Variants in ITGBL1 observed in about 807,000 individuals in gnomAD.
ITGBL1 encodes integrin beta-like protein 1.
A neutral mutation model predicts 68.5 loss-of-function variants in ITGBL1; 51 were observed. That is an observed-to-expected ratio of 0.74 (90% confidence interval 0.59 to 0.94). The LOEUF is 0.94. ITGBL1 is among the 40% of genes least tolerant of loss of function. ITGBL1 has a pLI of 0.00. For synonymous variants in ITGBL1, 209 were observed against 227.3 expected (o/e 0.92, Z 0.72); for missense variants, 649 against 647.4 (o/e 1.00, Z -0.03).
Position 101,605,766 on chromosome 13 carries a change from A to T in ITGBL1, c.1015+7467A>T, listed in dbSNP as rs200212177. On this transcript the variant is annotated intron_variant, in intron 7 of 10. Coordinates refer to ENST00000376180, the MANE Select transcript of ITGBL1 (RefSeq NM_004791.3). ...TATGTATGTGCGTATATGTGTGTAC[A>T]CGTGTGTAGGCATATGTATGTGCGT... Among the ~76,000 whole-genome samples the T allele has an allele frequency of 4.1e-5, 5 of 121,322 alleles. No homozygotes were observed. The East Asian group carries it at 1.2e-3, about 30-fold the overall frequency. The allele number at this position is 121,322 out of a possible 152,430, so 79.6% of individuals were successfully genotyped here. A position where few individuals can be genotyped will look rare whatever the true frequency, so the allele number is the denominator to read the frequency against.
Position 101,455,663 on chromosome 13 carries a change from CAATA to C in ITGBL1, c.316+1571_316+1574del, listed in dbSNP as rs2048234140. 3.9e-5 allele frequency among the ~76,000 whole-genome samples: 6 copies of C among 152,290 alleles called. No individual in the cohort carries two copies. The South Asian group carries it at 1.2e-3, about 32-fold the overall frequency. ...TGGGCAACAGAGCGAGACTTCATCT[CAATA>C]AATAAATTAATAAATAAAATTAAAA... On this transcript the variant is annotated intron_variant, in intron 2 of 10. Transcript: ENST00000376180.
chr13:101,698,136 C>T (rs2034045492), intron 8 of ITGBL1, among the ~76,000 whole-genome samples: 2 of 152,158 alleles, frequency 1.3e-5, no homozygotes, highest in African/African-American at 4.8e-5. Context: ...CTCCACCAGA[C>T]ACTAAACCAT....
At chr13:101,627,548 C>T (rs867222145) in intron 7 of ITGBL1, among the ~76,000 whole-genome samples, 18 of 152,214 alleles carry the variant, frequency 1.2e-4, no homozygotes, top group Middle Eastern at 3.4e-3. Context: ...TATAATGACA[C>T]GTACCCACCA....
At position 101,599,435 on chromosome 13, in the gene ITGBL1, G is replaced by C. The variant is rs916091290; in HGVS notation, c.1015+1136G>C. Among the ~76,000 whole-genome samples, 126 of 150,816 alleles carry C rather than the reference G, an allele frequency of 8.4e-4. 1 individual carries two copies. Among genetic ancestry groups the C allele is most frequent in the African/African-American group, 2.8e-3 (114 of 41,276 alleles). ...TCTTTTGCTGTGCAGAAGCTCTTTA[G>C]TTTAATTAGATCCCATTTGTCAATT... On this transcript the variant is annotated intron_variant, in intron 7 of 10. Transcript: ENST00000376180.
chr13:101,606,083 CTA>C (rs4000926), intron 7 of ITGBL1, among the ~76,000 whole-genome samples: 136,400 of 137,706 alleles, frequency 0.99, 67,559 homozygotes, highest in Middle Eastern at 1. Context: ...TATATATATG[CTA>C]TATATATATA....
intron 7 of ITGBL1, among the ~76,000 whole-genome samples, chr13:101,654,721 G>A (rs1011956666): frequency 6.6e-6 from 1 of 152,110 alleles, no homozygotes; most frequent in Admixed American, 6.5e-5. Flanking sequence ...AGAAGTCTGT[G>A]TTAGACATGT....
chr13:101,662,964 G>C (rs894988951), intron 7 of ITGBL1, among the ~76,000 whole-genome samples: 1 of 151,594 alleles, frequency 6.6e-6, no homozygotes, highest in Non-Finnish European at 1.5e-5. Context: ...ATCACTTATT[G>C]CCCCAGTAAA....
chr13:101,632,150 T>C (rs1010028828), intron 7 of ITGBL1, among the ~76,000 whole-genome samples: 12 of 126,762 alleles, frequency 9.5e-5, no homozygotes, highest in African/African-American at 3.2e-4. Context: ...TCTCTCTCTC[T>C]ATATATATAT....
At chr13:101,493,102 G>T (rs2048804963) in intron 2 of ITGBL1, among the ~76,000 whole-genome samples, 1 of 152,166 alleles carries the variant, frequency 6.6e-6, no homozygotes, top group Non-Finnish European at 1.5e-5. Context: ...TTTGTGGAAT[G>T]AGTAGATTTC....
chr13:101,491,892 C>A (rs1216653339), intron 2 of ITGBL1, among the ~76,000 whole-genome samples: 5 of 152,122 alleles, frequency 3.3e-5, no homozygotes, highest in African/African-American at 1.2e-4. Flanking sequence ...GTTTGGATTT[C>A]TGTTCCTGGG....
intron 2 of ITGBL1, among the ~76,000 whole-genome samples, chr13:101,546,066 A>G (rs529468568): frequency 1.3e-5 from 2 of 152,370 alleles, no homozygotes; most frequent in South Asian, 2.1e-4. Context: ...CAAACATAAT[A>G]TTGGGTAAAA....
rs66461824 is a variant in ITGBL1 at position 101,705,292 on chromosome 13, C to CAAAAAA, written c.1133-1452_1133-1447dup. ...AATCTCTCTTATTTAATTTAAAAAGCAAAAAAAAAAAAAAAAACAACAACA... is the reference window on the plus strand; with the variant it reads ...AATCTCTCTTATTTAATTTAAAAAGCAAAAAAAAAAAAAAAAAAAAAAACAACAACA... On this transcript the variant is annotated intron_variant, in intron 8 of 10. Transcript: ENST00000376180. Among the ~76,000 whole-genome samples, 135 of 104,888 alleles carry CAAAAAA rather than the reference C, an allele frequency of 1.3e-3. 1 individual carries two copies. Among genetic ancestry groups the CAAAAAA allele is most frequent in the Middle Eastern group, 0.012 (2 of 168 alleles). The allele number at this position is 104,888 out of a possible 152,430, so 68.8% of individuals were successfully genotyped here. A position where few individuals can be genotyped will look rare whatever the true frequency, so the allele number is the denominator to read the frequency against.
At chr13:101,486,113 G>T (rs1018791702) in intron 2 of ITGBL1, among the ~76,000 whole-genome samples, 8 of 138,464 alleles carry the variant, frequency 5.8e-5, no homozygotes, top group African/African-American at 2.2e-4. Context: ...CCAACGAGTG[G>T]ATAAAAAAAA....
At chr13:101,618,482 G>T (rs944771702) in intron 7 of ITGBL1, among the ~76,000 whole-genome samples, 8 of 152,154 alleles carry the variant, frequency 5.3e-5, no homozygotes, top group African/African-American at 1.9e-4. Context: ...TTAGATGAAA[G>T]TGGCAGAATC....
intron 2 of ITGBL1, among the ~76,000 whole-genome samples, chr13:101,477,041 A>G (rs1356365009): frequency 1.3e-5 from 2 of 152,158 alleles, no homozygotes; most frequent in Admixed American, 1.3e-4. Context: ...CAAAGTGCAC[A>G]TGCTTCTCCT....
intron 6 of ITGBL1, among the ~76,000 whole-genome samples, chr13:101,592,245 T>C (rs2050667443): frequency 1.3e-5 from 2 of 152,144 alleles, no homozygotes; most frequent in East Asian, 1.9e-4. Context: ...TCTTCAAGGA[T>C]TGTAAACTCC....
At chr13:101,598,057 C>T in intron 6 of ITGBL1, 96 bp from the exon 7 acceptor site, 1 of 1,154,992 alleles carries the variant, frequency 8.7e-7, no homozygotes, top group Non-Finnish European at 1.2e-6. Flanking sequence ...CATCAAGATC[C>T]TGACTCATTT....
intron 7 of ITGBL1, among the ~76,000 whole-genome samples, chr13:101,599,784 C>T (rs1038328365): frequency 3.9e-5 from 6 of 152,168 alleles, no homozygotes; most frequent in African/African-American, 1.2e-4. Context: ...CTGTTCTGTT[C>T]CATTGATCTA....
intron 4 of ITGBL1, among the ~76,000 whole-genome samples, chr13:101,576,879 GATCA>G (rs1465604263): frequency 6.6e-6 from 1 of 151,522 alleles, no homozygotes; most frequent in Non-Finnish European, 1.5e-5. Context: ...AAAATAATTA[GATCA>G]ATTAGACAAA....
Sources: gnomAD v4.1 joint callset for allele counts (sites outside exome capture counted in the v4.1 genomes callset) on GRCh38, gnomAD v4.1.1 for gene constraint, MANE v1.5 for transcripts, NCBI Gene and HGNC (gene_info 2026-07-23, HGNC 2026-07-21) for gene names.